Variants in SHC2 observed in about 807,000 individuals in gnomAD.
SHC2 encodes the protein SHC-transforming protein 2.
Under a neutral mutation model 60.6 loss-of-function variants are expected in SHC2, and 62 were observed. The ratio of observed to expected loss-of-function variants is 1.02; its 90% CI spans 0.83 to 1.26. The LOEUF (loss-of-function observed/expected upper bound fraction) is 1.26, where lower values mean the gene tolerates loss of function less well. Among genes scored for constraint, SHC2 ranks in the 50% most tolerant of loss-of-function variants. The pLI is 0.00. For synonymous variants in SHC2, 375 were observed against 372.4 expected, an observed-to-expected ratio of 1.01 and a Z score of -0.08; for missense variants, 873 against 822.2, an observed-to-expected ratio of 1.06 and a Z score of -0.76.
Position 436,432 on chromosome 19 carries a change from C to T in SHC2, c.775-1G>A, listed in dbSNP as rs372525608. The T allele has an allele frequency of 1.2e-6, 2 of 1,602,314 alleles. No individual in the cohort carries two copies. The highest frequency in any genetic ancestry group is 2.7e-5 in the African/African-American group (2 of 74,486). On this transcript the variant is annotated splice_acceptor_variant, in intron 5 of 12. Transcript: ENST00000264554. LOFTEE classifies it high-confidence loss of function. ...CGTAGGCCACGTAATCCGTCATGTC[C>T]TGGGGGCGGGGAGGGGCCAGCTGGA...
chr19:444,429 C>G (rs1368543751), intron 1 of SHC2, among the ~76,000 whole-genome samples: 1 of 152,082 alleles, frequency 6.6e-6, no homozygotes, highest in Non-Finnish European at 1.5e-5. Flanking sequence ...CCTTACCTGC[C>G]CCCTTATTAA....
At chr19:460,481 G>A (rs1975517033) in intron 1 of SHC2, 48 bp downstream of exon 1, 6 of 1,043,196 alleles carry the variant, frequency 5.8e-6, no homozygotes, top group East Asian at 8.6e-5. Context: ...GGGTGGGGGA[G>A]GGGAGGCCGC....
intron 11 of SHC2, among the ~76,000 whole-genome samples, chr19:421,466 G>A (rs1010521912): frequency 2.7e-5 from 2 of 74,184 alleles, no homozygotes; most frequent in African/African-American, 9.4e-5. Context: ...AGGGAGAGAG[G>A]GAGGAAGAAG....
chr19:429,399 C>T (rs573381044), intron 9 of SHC2, among the ~76,000 whole-genome samples: 41 of 149,336 alleles, frequency 2.7e-4, no homozygotes, highest in African/African-American at 1.0e-3. Context: ...TACCTATATC[C>T]AACATGCAGA....
intron 7 of SHC2, among the ~76,000 whole-genome samples, chr19:435,122 C>T (rs1392238821): frequency 1.3e-5 from 2 of 152,260 alleles, no homozygotes; most frequent in Non-Finnish European, 2.9e-5. Flanking sequence ...AGTCTCCACT[C>T]CTTTCTGCCC....
Position 441,228 on chromosome 19 carries a change from G to A in SHC2, c.469-296C>T. The A allele has an allele frequency of 1.1e-6, 1 of 928,284 alleles. No individual in the cohort carries two copies. The allele number at this position is 928,284 out of a possible 1,614,324, so 57.5% of individuals were successfully genotyped here. On this transcript the variant is annotated intron_variant, in intron 1 of 12. Transcript: ENST00000264554. The surrounding 1 kb of genome is among the most constrained non-coding windows in gnomAD (Gnocchi z 4.9). ...TCATTTAACCGTCTTGCCCTCGTCGGTCTCTTTCTGTTCCACCAGCACCGA... is the reference window on the plus strand; with the variant it reads ...TCATTTAACCGTCTTGCCCTCGTCGATCTCTTTCTGTTCCACCAGCACCGA...
At chr19:429,201 T>TC (rs1974500143) in intron 9 of SHC2, among the ~76,000 whole-genome samples, 1 of 110,470 alleles carries the variant, frequency 9.1e-6, no homozygotes, top group African/African-American at 3.5e-5. Context: ...AGTACCTATA[T>TC]CCAACATGCA....
chr19:459,210 C>T (rs1268838586), intron 1 of SHC2, among the ~76,000 whole-genome samples: 1 of 141,056 alleles, frequency 7.1e-6, no homozygotes, highest in South Asian at 2.1e-4. Context: ...CCACTGAACC[C>T]AGCGTAGGGG....
intron 1 of SHC2, among the ~76,000 whole-genome samples, chr19:451,002 G>A (rs1335431665): frequency 1.5e-5 from 2 of 137,776 alleles, no homozygotes; most frequent in African/African-American, 5.5e-5. Flanking sequence ...CGCCATGGCT[G>A]TGCCGTATTT....
chr19:429,618 C>T (rs1344987613), intron 9 of SHC2, among the ~76,000 whole-genome samples: 2 of 118,520 alleles, frequency 1.7e-5, no homozygotes, highest in East Asian at 2.1e-4. Flanking sequence ...AACCTAATAC[C>T]GTGTGGATGA....
At chr19:421,124 C>T (rs528396302) in intron 11 of SHC2, among the ~76,000 whole-genome samples, 3 of 151,144 alleles carry the variant, frequency 2.0e-5, no homozygotes, top group Admixed American at 6.6e-5. Context: ...AAGGGCCGGG[C>T]GCAGTGGCTC....
intron 1 of SHC2, among the ~76,000 whole-genome samples, chr19:444,268 C>A (rs1367138161): frequency 2.0e-5 from 3 of 152,074 alleles, no homozygotes; most frequent in African/African-American, 7.3e-5. Flanking sequence ...GGTCCCTGTC[C>A]CTAGCACTGG....
At chr19:455,243 C>A (rs888690023) in intron 1 of SHC2, among the ~76,000 whole-genome samples, 2 of 152,190 alleles carry the variant, frequency 1.3e-5, no homozygotes, top group Non-Finnish European at 2.9e-5. Context: ...GTCCCTTTGG[C>A]GCCCAGCAGC....
At chr19:448,010 C>T (rs978607478) in intron 1 of SHC2, among the ~76,000 whole-genome samples, 3 of 152,192 alleles carry the variant, frequency 2.0e-5, no homozygotes, top group African/African-American at 7.2e-5. Flanking sequence ...GGAAGGAAGA[C>T]CGGATGCCGG....
intron 1 of SHC2, among the ~76,000 whole-genome samples, chr19:449,944 C>G (rs539656538): frequency 6.6e-6 from 1 of 152,312 alleles, no homozygotes; most frequent in South Asian, 2.1e-4. Flanking sequence ...TTTCTTTGAT[C>G]TAAGGTTGAA....
chr19:450,378 C>T (rs190047387), intron 1 of SHC2, among the ~76,000 whole-genome samples: 1 of 152,278 alleles, frequency 6.6e-6, no homozygotes, highest in Admixed American at 6.5e-5. Flanking sequence ...AGAGTTTTGA[C>T]TGTCTTTAAT....
Position 418,915 on chromosome 19 carries a change from C to G in SHC2, c.*5+8G>C, listed in dbSNP as rs371683432. 726 of 1,580,630 alleles carry G rather than the reference C, an allele frequency of 4.6e-4. No homozygotes were observed. In the Middle Eastern group the frequency reaches 7.0e-3, roughly 15 times the overall value. ...CAAGGCCAGCGACCCACGGCGGCAGCCACACACCTGGCTCAGGGCTCCCGT... is the reference window on the plus strand; with the variant it reads ...CAAGGCCAGCGACCCACGGCGGCAGGCACACACCTGGCTCAGGGCTCCCGT... On this transcript the variant is annotated splice_region_variant and intron_variant, in intron 12 of 12. Coordinates refer to ENST00000264554, the MANE Select transcript of SHC2 (RefSeq NM_012435.3).
At chr19:418,812 C>T (rs1478373730) in intron 12 of SHC2, 111 bp downstream of exon 12, 13 of 1,259,848 alleles carry the variant, frequency 1.0e-5, no homozygotes, top group East Asian at 5.2e-5. Flanking sequence ...ACCCCTGAGT[C>T]GTGCCCTCTA....
rs553137780 is a variant in SHC2, at chr19:428,628, A to G, written c.1174+2056T>C. ...GGAAAATAACTCAGGAGCCACTGAC[A>G]GCTAACAGTGGCTGCCTGATCAGGG... On this transcript the variant is annotated intron_variant, in intron 9 of 12. Coordinates refer to ENST00000264554, the MANE Select transcript of SHC2 (RefSeq NM_012435.3). 2.0e-5 allele frequency among the ~76,000 whole-genome samples: 3 copies of G among 152,320 alleles called. No individual in the cohort carries two copies. The South Asian group carries it at 6.2e-4, about 32-fold the overall frequency.
Sources: gnomAD v4.1 joint callset for allele counts (sites outside exome capture counted in the v4.1 genomes callset) on GRCh38, gnomAD v4.1.1 for gene constraint, Gnocchi (gnomAD v3.1) non-coding constraint, MANE v1.5 for transcripts, NCBI Gene and HGNC (gene_info 2026-07-23, HGNC 2026-07-21) for gene names.